TLE4: variants seen among roughly 807,000 people sequenced by gnomAD.
TLE4 encodes transducin-like enhancer protein 4.
In TLE4, 8 loss-of-function variants were observed where a neutral mutation model predicts 92.8. That is an observed-to-expected ratio of 0.09 (90% CI 0.05 to 0.16). The LOEUF is 0.16. Among genes scored for constraint, TLE4 ranks in the 10% least tolerant of loss-of-function variants. The pLI is 1.00. For synonymous variants in TLE4, 371 were observed against 374.1 expected, an observed-to-expected ratio of 0.99 and a Z score of 0.10; for missense variants, 675 against 997.6, an observed-to-expected ratio of 0.68 and a Z score of 4.36.
intron 9 of TLE4, among the ~76,000 whole-genome samples, chr9:79,705,646 A>G (rs554090396): frequency 6.6e-6 from 1 of 152,326 alleles, no homozygotes; most frequent in African/African-American, 2.4e-5. Flanking sequence ...GTAACTGAAA[A>G]ATGTAATCAG....
In TLE4 at chr9:79,614,276, G is replaced by C. The variant is rs542184459; in HGVS notation, c.315+1558G>C. Reference sequence around the variant, plus strand: ...ATCCCTGGGGTGGTATTAGACTTTGGGCCTCTGTAGGCACAGACCCCTGTA... The same window carrying C: ...ATCCCTGGGGTGGTATTAGACTTTGCGCCTCTGTAGGCACAGACCCCTGTA... On this transcript the variant is annotated intron_variant, in intron 5 of 19. Transcript: ENST00000376552. Among the ~76,000 whole-genome samples the C allele has an allele frequency of 1.3e-4, 20 of 152,228 alleles. No individual in the cohort carries two copies. The East Asian group carries it at 3.9e-3, about 29-fold the overall frequency.
At chr9:79,700,729 T>C (rs2069575321) in intron 8 of TLE4, among the ~76,000 whole-genome samples, 1 of 152,194 alleles carries the variant, frequency 6.6e-6, no homozygotes, top group African/African-American at 2.4e-5. Context: ...CATAAGTGTT[T>C]ACTTTTAAAA....
intron 5 of TLE4, among the ~76,000 whole-genome samples, chr9:79,620,603 G>T (rs1404220293): frequency 6.6e-6 from 1 of 152,180 alleles, no homozygotes; most frequent in East Asian, 1.9e-4. Context: ...ATAACCTGCA[G>T]TTTACCGGGT....
chr9:79,700,413 G>T (rs2069483352), intron 8 of TLE4, among the ~76,000 whole-genome samples: 1 of 152,180 alleles, frequency 6.6e-6, no homozygotes, highest in Non-Finnish European at 1.5e-5. Context: ...ATCTTGAGGT[G>T]GCAGAGGAGT....
intron 4 of TLE4, among the ~76,000 whole-genome samples, chr9:79,600,906 A>G (rs1262610117): frequency 6.6e-6 from 1 of 152,196 alleles, no homozygotes; most frequent in Non-Finnish European, 1.5e-5. Flanking sequence ...TCGCATGAGT[A>G]GGCCCTTTCC....
intron 6 of TLE4, among the ~76,000 whole-genome samples, chr9:79,628,908 G>GTGTGTGTA (rs1554722966): frequency 1.4e-5 from 2 of 142,654 alleles, no homozygotes; most frequent in African/African-American, 5.1e-5. Flanking sequence ...GTGTGTGTGT[G>GTGTGTGTA]TATATGTATA....
chr9:79,673,753 T>G (rs1419248585), intron 8 of TLE4, among the ~76,000 whole-genome samples: 1 of 152,178 alleles, frequency 6.6e-6, no homozygotes, highest in Non-Finnish European at 1.5e-5. Flanking sequence ...TGTTACTTCT[T>G]GTCAACCACC....
intron 2 of TLE4, among the ~76,000 whole-genome samples, 196 bp from the exon 3 acceptor site, chr9:79,574,677 A>G (rs1337396996): frequency 6.6e-6 from 1 of 152,208 alleles, no homozygotes. Flanking sequence ...AAAAAACCAC[A>G]TATATGATCC....
intron 4 of TLE4, among the ~76,000 whole-genome samples, chr9:79,604,073 G>T (rs115442127): frequency 6.6e-6 from 1 of 152,154 alleles, no homozygotes; most frequent in Non-Finnish European, 1.5e-5. Context: ...GATGATTACA[G>T]ATGCTGTCAC....
At chr9:79,692,355 C>T (rs957329190) in intron 8 of TLE4, among the ~76,000 whole-genome samples, 3 of 152,136 alleles carry the variant, frequency 2.0e-5, no homozygotes, top group African/African-American at 7.2e-5. Context: ...CCCCAGGGTC[C>T]TGAGGCTTGA....
At chr9:79,689,403 C>T (rs1219129561) in intron 8 of TLE4, among the ~76,000 whole-genome samples, 1 of 151,824 alleles carries the variant, frequency 6.6e-6, no homozygotes. Flanking sequence ...TGTAATTGAC[C>T]TTGGCGATGA....
intron 5 of TLE4, among the ~76,000 whole-genome samples, chr9:79,621,535 G>T (rs2050979269): frequency 6.6e-6 from 1 of 152,142 alleles, no homozygotes; most frequent in Admixed American, 6.5e-5. Flanking sequence ...AATGGAAAAA[G>T]CTTGTCCATG....
Position 79,610,392 on chromosome 9 carries a change from G to A in TLE4, c.253-2264G>A, listed in dbSNP as rs373292862. On this transcript the variant is annotated intron_variant, in intron 4 of 19. Coordinates refer to ENST00000376552, the MANE Select transcript of TLE4 (RefSeq NM_007005.6). Reference sequence around the variant, plus strand: ...CTGATCGCTAAAGCCCAGTGGAAAGGCCTGTAAATAAATGATGCCTCCCTA... The same window carrying A: ...CTGATCGCTAAAGCCCAGTGGAAAGACCTGTAAATAAATGATGCCTCCCTA... 8.5e-5 allele frequency among the ~76,000 whole-genome samples: 13 copies of A among 152,166 alleles called. No individual in the cohort carries two copies. The East Asian group carries it at 2.5e-3, about 29-fold the overall frequency.
rs182868364 is a variant in TLE4 at position 79,600,202 on chromosome 9, A to G, written c.253-12454A>G. Among the ~76,000 whole-genome samples the G allele has an allele frequency of 1.7e-4, 26 of 152,372 alleles. No individual in the cohort carries two copies. The East Asian group carries it at 3.5e-3, about 20-fold the overall frequency. On this transcript the variant is annotated intron_variant, in intron 4 of 19. Transcript: ENST00000376552. ...AAGTACATTTTAAAAGTAACTAGGA[A>G]TATAGGAACACAATAGTTTGCTTTA...
chr9:79,613,838 C>T (rs1364308375), intron 5 of TLE4, among the ~76,000 whole-genome samples: 1 of 152,120 alleles, frequency 6.6e-6, no homozygotes, highest in Non-Finnish European at 1.5e-5. Flanking sequence ...ACTTGAGTAA[C>T]TATGGGTACC....
At chr9:79,604,418 G>A (rs1430334593) in intron 4 of TLE4, among the ~76,000 whole-genome samples, 4 of 152,124 alleles carry the variant, frequency 2.6e-5, no homozygotes, top group African/African-American at 9.7e-5. Flanking sequence ...CAAAACTTGG[G>A]TTTTGATAAG....
intron 8 of TLE4, among the ~76,000 whole-genome samples, chr9:79,667,452 T>C (rs1298413972): frequency 2.6e-5 from 4 of 152,220 alleles, no homozygotes; most frequent in South Asian, 2.1e-4. Flanking sequence ...TAAATAAATG[T>C]CAATAGTTTT....
intron 8 of TLE4, among the ~76,000 whole-genome samples, chr9:79,699,347 A>G (rs1016630553): frequency 6.6e-6 from 1 of 152,172 alleles, no homozygotes; most frequent in Non-Finnish European, 1.5e-5. Context: ...AACAAACTCA[A>G]CTTGAATCGT....
intron 4 of TLE4, among the ~76,000 whole-genome samples, chr9:79,603,523 T>C (rs1057139796): frequency 5.3e-5 from 8 of 152,180 alleles, no homozygotes; most frequent in Admixed American, 2.6e-4. Context: ...GTGTGTGTTT[T>C]TTTTAAGACA....
Sources: gnomAD v4.1 joint callset for allele counts (sites outside exome capture counted in the v4.1 genomes callset) on GRCh38, gnomAD v4.1.1 for gene constraint, MANE v1.5 for transcripts, NCBI Gene and HGNC (gene_info 2026-07-23, HGNC 2026-07-21) for gene names.